SMYD3: variants seen among roughly 807,000 people sequenced by gnomAD.
The protein encoded by SMYD3 is histone-lysine N-methyltransferase SMYD3.
SMYD3 carries 36 observed loss-of-function variants against 57.7 expected under a neutral mutation model. The ratio of observed to expected loss-of-function variants is 0.62; its 90% CI spans 0.48 to 0.82. SMYD3 has a LOEUF of 0.82. SMYD3 is among the 40% of genes least tolerant of loss of function. The pLI is 0.00. For missense variants in SMYD3, 515 were observed against 538.8 expected, an observed-to-expected ratio of 0.96 and a Z score of 0.44; for synonymous variants, 211 against 195.0, an observed-to-expected ratio of 1.08 and a Z score of -0.68.
intron 5 of SMYD3, among the ~76,000 whole-genome samples, chr1:246,236,564 G>GCACA (rs2063515504): frequency 6.6e-6 from 1 of 152,152 alleles, no homozygotes; most frequent in Non-Finnish European, 1.5e-5. Flanking sequence ...ACAGAGGCCT[G>GCACA]CCACCACGCC....
At chr1:245,930,397 G>A (rs552173658) in intron 5 of SMYD3, 2 of 336,998 alleles carry the variant, frequency 5.9e-6, no homozygotes, top group East Asian at 7.9e-5. Flanking sequence ...TACAGAAAGC[G>A]AAGTATCCCG....
chr1:245,925,533 A>G (rs2056309560), intron 7 of SMYD3, among the ~76,000 whole-genome samples: 1 of 152,218 alleles, frequency 6.6e-6, no homozygotes, highest in South Asian at 2.1e-4. Context: ...GGCTACAGGC[A>G]TTAGTTAAGC....
intron 2 of SMYD3, among the ~76,000 whole-genome samples, chr1:246,347,790 T>C (rs1037646752): frequency 5.3e-5 from 8 of 152,026 alleles, no homozygotes; most frequent in African/African-American, 1.9e-4. Flanking sequence ...TCCAGAAATG[T>C]GAGTCAACAA....
chr1:245,982,638 T>G (rs2148075148), intron 5 of SMYD3, among the ~76,000 whole-genome samples: 1 of 152,352 alleles, frequency 6.6e-6, no homozygotes, highest in South Asian at 2.1e-4. Flanking sequence ...CCACTTAATT[T>G]GTATTTAATT....
chr1:246,417,607 C>A (rs1370298569), intron 1 of SMYD3, among the ~76,000 whole-genome samples: 1 of 152,048 alleles, frequency 6.6e-6, no homozygotes, highest in Non-Finnish European at 1.5e-5. Context: ...CAGATGGCAT[C>A]AGTCAGTTTA....
intron 8 of SMYD3, among the ~76,000 whole-genome samples, chr1:245,894,486 T>A (rs1385980228): frequency 6.6e-6 from 1 of 152,078 alleles, no homozygotes; most frequent in South Asian, 2.1e-4. Context: ...TGCTGCTTAC[T>A]CTTTGGGTCC....
At chr1:246,395,129 C>T (rs1350512582) in intron 1 of SMYD3, among the ~76,000 whole-genome samples, 1 of 152,156 alleles carries the variant, frequency 6.6e-6, no homozygotes, top group Non-Finnish European at 1.5e-5. Flanking sequence ...TTGGGTAGAA[C>T]CTCCTGGGAC....
intron 5 of SMYD3, among the ~76,000 whole-genome samples, chr1:245,954,147 A>T (rs2057755296): frequency 6.6e-6 from 1 of 152,230 alleles, no homozygotes; most frequent in Admixed American, 6.5e-5. Context: ...CACTGTAATT[A>T]GGAAAAGTGT....
At chr1:246,044,304 C>T (rs2059926355) in intron 5 of SMYD3, among the ~76,000 whole-genome samples, 1 of 152,112 alleles carries the variant, frequency 6.6e-6, no homozygotes, top group South Asian at 2.1e-4. Flanking sequence ...ACTCCATGTC[C>T]ATACACACCA....
At chr1:245,781,166 G>C (rs1381088537) in intron 10 of SMYD3, among the ~76,000 whole-genome samples, 1 of 152,200 alleles carries the variant, frequency 6.6e-6, no homozygotes, top group Non-Finnish European at 1.5e-5. Flanking sequence ...TGGATTGTGA[G>C]AATTTTTGCA....
At chr1:246,194,720 T>G (rs965268622) in intron 5 of SMYD3, among the ~76,000 whole-genome samples, 15 of 152,192 alleles carry the variant, frequency 9.9e-5, no homozygotes, top group Non-Finnish European at 1.8e-4. Flanking sequence ...AATTCCTCAG[T>G]CACATTCAAC....
chr1:245,798,881 C>T (rs1366949747), intron 10 of SMYD3, among the ~76,000 whole-genome samples: 1 of 152,204 alleles, frequency 6.6e-6, no homozygotes, highest in Non-Finnish European at 1.5e-5. Flanking sequence ...CAGCCTTGCT[C>T]AGGCCCCTCA....
chr1:246,270,505 C>T (rs562946704), intron 5 of SMYD3, among the ~76,000 whole-genome samples: 3 of 152,290 alleles, frequency 2.0e-5, no homozygotes, highest in South Asian at 4.2e-4. Flanking sequence ...CTGGCAATCA[C>T]CATTCTACTT....
intron 5 of SMYD3, among the ~76,000 whole-genome samples, chr1:246,014,637 G>C (rs1312907168): frequency 6.6e-6 from 1 of 152,144 alleles, no homozygotes; most frequent in Non-Finnish European, 1.5e-5. Flanking sequence ...CATAGTAGGT[G>C]TCTGATAAGA....
chr1:246,218,970 A>C (rs1188585728), intron 5 of SMYD3, among the ~76,000 whole-genome samples: 1 of 149,182 alleles, frequency 6.7e-6, no homozygotes, highest in African/African-American at 2.5e-5. Flanking sequence ...GTAGATCTCC[A>C]TTTCACAGAG....
At chr1:246,491,600 G>T (rs2068273337) in intron 1 of SMYD3, among the ~76,000 whole-genome samples, 1 of 151,696 alleles carries the variant, frequency 6.6e-6, no homozygotes, top group Non-Finnish European at 1.5e-5. Context: ...GCATATTTAA[G>T]GAAGACTACT....
chr1:246,349,333 A>C (rs1455727560), intron 2 of SMYD3, among the ~76,000 whole-genome samples: 1 of 152,196 alleles, frequency 6.6e-6, no homozygotes, highest in Non-Finnish European at 1.5e-5. Context: ...GGCCGGGCAC[A>C]GTGGCTCAGG....
At chr1:245,798,407 T>TACACACACACATACACACACAA (rs1402299710) in intron 10 of SMYD3, among the ~76,000 whole-genome samples, 1 of 16,304 alleles carries the variant, frequency 6.1e-5, no homozygotes, top group African/African-American at 2.1e-4. Context: ...CACACACACA[T>TACACACACACATACACACACAA]ACACACACAT....
At chr1:245,753,571 A>G (rs1934566) in intron 11 of SMYD3, among the ~76,000 whole-genome samples, 6,767 of 131,744 alleles carry the variant, frequency 0.051, 496 homozygotes, top group African/African-American at 0.17. Context: ...AGTCCTCAAC[A>G]ATGTACGGAG....
Sources: allele counts gnomAD v4.1 joint callset (sites outside exome capture counted in the v4.1 genomes callset), GRCh38; gene constraint gnomAD v4.1.1; transcripts MANE v1.5; gene names NCBI Gene and HGNC (gene_info 2026-07-23, HGNC 2026-07-21).